MCUB: variants seen among roughly 807,000 people sequenced by gnomAD.
MCUB encodes mitochondrial calcium uniporter dominant negative subunit beta.
A neutral mutation model predicts 41.4 loss-of-function variants in MCUB; 46 were observed. The ratio of observed to expected loss-of-function variants is 1.11; its 90% CI spans 0.88 to 1.42. The LOEUF is 1.42. Ranked by LOEUF, MCUB falls within the 40% of genes most tolerant of loss-of-function variation. The pLI is 0.00. For missense variants in MCUB, 403 were observed against 404.9 expected, an observed-to-expected ratio of 1.00 and a Z score of 0.04; for synonymous variants, 148 against 148.2, an observed-to-expected ratio of 1.00 and a Z score of 0.01.
At chr4:109,617,830 TTCTCTTTTGA>T (rs1375827154) in intron 1 of MCUB, among the ~76,000 whole-genome samples, 1 of 152,226 alleles carries the variant, frequency 6.6e-6, no homozygotes, top group African/African-American at 2.4e-5. Context: ...AAATTTTATT[TTCTCTTTTGA>T]TCTCTTTTTA....
intron 1 of MCUB, among the ~76,000 whole-genome samples, chr4:109,649,090 C>T (rs1728904007): frequency 6.6e-6 from 1 of 152,118 alleles, no homozygotes; most frequent in South Asian, 2.1e-4. Context: ...TGAGTAGTGC[C>T]TTCAATGAAA....
intron 1 of MCUB, among the ~76,000 whole-genome samples, chr4:109,643,279 G>T (rs2126140840): frequency 6.7e-6 from 1 of 149,452 alleles, no homozygotes; most frequent in South Asian, 2.1e-4. Context: ...TCTGCCTCCG[G>T]ATTCAAGCAA....
chr4:109,673,732 C>T (rs1189451748), intron 4 of MCUB: 3 of 509,872 alleles, frequency 5.9e-6, no homozygotes, highest in African/African-American at 5.8e-5. Context: ...ATTAAGTTCA[C>T]AAGGAAGACA....
intron 1 of MCUB, among the ~76,000 whole-genome samples, chr4:109,631,697 C>T (rs753985202): frequency 1.3e-5 from 2 of 152,202 alleles, no homozygotes; most frequent in African/African-American, 2.4e-5. Context: ...ACCAGCTGTG[C>T]AGCTTTAGGC....
intron 7 of MCUB, 61 bp downstream of exon 7, chr4:109,685,428 A>G (rs1217729180): frequency 4.2e-6 from 3 of 712,806 alleles, no homozygotes; most frequent in African/African-American, 3.5e-5. Flanking sequence ...GTATCAGGGA[A>G]GTATAACTGG....
rs141956337 is a variant in MCUB at position 109,625,227 on chromosome 4, C to T, written c.100-33784C>T. Among the ~76,000 whole-genome samples the T allele has an allele frequency of 7.4e-3, 1,129 of 152,250 alleles. 25 individuals are homozygous for T. Among genetic ancestry groups the T allele is most frequent in the East Asian group, 0.065 (336 of 5,178 alleles). ...TGCCTGCTAAACCATTAACAAGTAT[C>T]GATGCCCCAGTGCCTTCTCCCAGCT... On this transcript the variant is annotated intron_variant, in intron 1 of 7. Transcript: ENST00000394650.
At chr4:109,637,616 T>A (rs1384446501) in intron 1 of MCUB, among the ~76,000 whole-genome samples, 1 of 152,218 alleles carries the variant, frequency 6.6e-6, no homozygotes, top group African/African-American at 2.4e-5. Context: ...CTGGATGGAA[T>A]TGTAGACTAA....
chr4:109,577,049 G>A (rs1012826656), intron 1 of MCUB, among the ~76,000 whole-genome samples: 17 of 152,170 alleles, frequency 1.1e-4, no homozygotes, highest in Non-Finnish European at 1.9e-4. Context: ...CCAGGGTTTC[G>A]CCATGTGGGC....
intron 1 of MCUB, among the ~76,000 whole-genome samples, chr4:109,627,409 A>G (rs535186259): frequency 9.2e-5 from 14 of 152,330 alleles, no homozygotes; most frequent in African/African-American, 3.4e-4. Context: ...GCCTCCTCAA[A>G]TGGAATCTGT....
chr4:109,638,866 T>C (rs1728653671), intron 1 of MCUB, among the ~76,000 whole-genome samples: 1 of 152,202 alleles, frequency 6.6e-6, no homozygotes. Flanking sequence ...AAGCAACCCC[T>C]CATCTGTGAA....
chr4:109,591,142 C>A (rs1727427138), intron 1 of MCUB, among the ~76,000 whole-genome samples: 1 of 151,966 alleles, frequency 6.6e-6, no homozygotes, highest in South Asian at 2.1e-4. Context: ...ACTTTGTTCT[C>A]TCCTTTTCAC....
chr4:109,651,663 A>G (rs1728964554), intron 1 of MCUB, among the ~76,000 whole-genome samples: 2 of 152,186 alleles, frequency 1.3e-5, no homozygotes, highest in South Asian at 4.1e-4. Context: ...TTACACATTA[A>G]AAACCATGAA....
In MCUB at chr4:109,579,003, C is replaced by T. The variant is rs117982820; in HGVS notation, c.99+18567C>T. On this transcript the variant is annotated intron_variant, in intron 1 of 7. Coordinates refer to ENST00000394650, the MANE Select transcript of MCUB (RefSeq NM_017918.5). Reference sequence around the variant, plus strand: ...TAACCATATCCTGTTCATTGGAGTCCCGCCTCCAATATTCCTTCACACTTG... The same window carrying T: ...TAACCATATCCTGTTCATTGGAGTCTCGCCTCCAATATTCCTTCACACTTG... Among the ~76,000 whole-genome samples the T allele has an allele frequency of 1.0e-3, 156 of 152,234 alleles. No individual in the cohort carries two copies. In the East Asian group the frequency reaches 0.027, roughly 27 times the overall value.
At chr4:109,670,256 G>A (rs1468563073) in intron 4 of MCUB, among the ~76,000 whole-genome samples, 4 of 151,920 alleles carry the variant, frequency 2.6e-5, no homozygotes, top group African/African-American at 9.7e-5. Flanking sequence ...AACTTCACAA[G>A]TGCTTCTCAG....
At chr4:109,678,630 G>C (rs2126150414) in intron 4 of MCUB, among the ~76,000 whole-genome samples, 1 of 137,342 alleles carries the variant, frequency 7.3e-6, no homozygotes, top group African/African-American at 2.8e-5. Context: ...TCCCAGACGG[G>C]GTGGCGGCCG....
In MCUB at chr4:109,612,379, A is replaced by G. The variant is rs539560709; in HGVS notation, c.100-46632A>G. Among the ~76,000 whole-genome samples, 441 of 146,012 alleles carry G rather than the reference A, an allele frequency of 3.0e-3. 3 individuals are homozygous for G. The highest frequency in any genetic ancestry group is 0.01 in the African/African-American group (412 of 39,368). On this transcript the variant is annotated intron_variant, in intron 1 of 7. Coordinates refer to ENST00000394650, the MANE Select transcript of MCUB (RefSeq NM_017918.5). ...CCTCCCAGGTTCAAGCAATTCTCCC[A>G]TCTCAGCCTCCTGAGTAGCTGGGAT...
chr4:109,569,424 A>G (rs1348714325), intron 1 of MCUB, among the ~76,000 whole-genome samples: 1 of 151,960 alleles, frequency 6.6e-6, no homozygotes, highest in Non-Finnish European at 1.5e-5. Flanking sequence ...TTTAAAGGGC[A>G]TAATTAACAA....
rs542957516 is a variant in MCUB at position 109,612,335 on chromosome 4, C to T, written c.100-46676C>T. On this transcript the variant is annotated intron_variant, in intron 1 of 7. Coordinates refer to ENST00000394650, the MANE Select transcript of MCUB (RefSeq NM_017918.5). The stretch of plus-strand genomic sequence containing the variant: ...AGGCTGGAGTGCAGTGGTGTGATCC[C>T]GGCTCGCTGCAACCACCACCTCCCA... Among the ~76,000 whole-genome samples the T allele has an allele frequency of 6.6e-5, 10 of 150,572 alleles. No homozygotes were observed. The South Asian group carries it at 8.5e-4, about 13-fold the overall frequency.
chr4:109,622,331 C>A (rs1017014592), intron 1 of MCUB, among the ~76,000 whole-genome samples: 4 of 152,094 alleles, frequency 2.6e-5, no homozygotes, highest in African/African-American at 9.7e-5. Context: ...CCTGTGGTAA[C>A]CTGTAGTGTA....
Sources: allele counts gnomAD v4.1 joint callset (sites outside exome capture counted in the v4.1 genomes callset), GRCh38; gene constraint gnomAD v4.1.1; transcripts MANE v1.5; gene names NCBI Gene and HGNC (gene_info 2026-07-23, HGNC 2026-07-21).